TGIF2: variants seen among roughly 807,000 people sequenced by gnomAD.
TGIF2 encodes the protein TGFB induced factor homeobox 2, also known as homeobox protein TGIF2.
In TGIF2, 5 loss-of-function variants were observed where a neutral mutation model predicts 15.1. The ratio of observed to expected loss-of-function variants is 0.33; its 90% CI spans 0.17 to 0.70. TGIF2 has a LOEUF of 0.70. TGIF2 is among the 30% of genes least tolerant of loss of function. TGIF2 has a pLI of 0.67. For synonymous variants in TGIF2, 131 were observed against 128.9 expected, an observed-to-expected ratio of 1.02 and a Z score of -0.11; for missense variants, 264 against 302.5, an observed-to-expected ratio of 0.87 and a Z score of 0.94.
intron 2 of TGIF2, among the ~76,000 whole-genome samples, chr20:36,587,589 T>C (rs1360107066): frequency 6.6e-6 from 1 of 152,128 alleles, no homozygotes; most frequent in Admixed American, 6.6e-5. Context: ...GAAGACTCCC[T>C]CTCACTCTTC....
chr20:36,587,911 C>G (rs2038691604), intron 2 of TGIF2, among the ~76,000 whole-genome samples: 1 of 149,720 alleles, frequency 6.7e-6, no homozygotes, highest in African/African-American at 2.4e-5. Flanking sequence ...CAAAAAATAC[C>G]AAAAAAAAAG....
chr20:36,578,872 T>A lies in TGIF2; in HGVS notation c.98T>A (p.Leu33His), dbSNP rs764377718. Residue 33 changes from leucine to histidine, a missense_variant, in exon 2 of 3, where the codon CTC becomes CAC. Transcript: ENST00000373872. Reference sequence around the variant, plus strand: ...CTGCCCAAGGAGTCGGTGAAGATCCTCCGGGACTGGCTGTACTTGCACCGC... The same window carrying A: ...CTGCCCAAGGAGTCGGTGAAGATCCACCGGGACTGGCTGTACTTGCACCGC... ...GNLPKESVKI[L>H]RDWLYLHRYN... The A allele has an allele frequency of 6.2e-7, 1 of 1,614,138 alleles. No individual in the cohort carries two copies. The highest frequency in any genetic ancestry group is 8.5e-7 in the Non-Finnish European group (1 of 1,180,018).
rs1264123638 is a variant in TGIF2 at position 36,593,325 on chromosome 20, C to G, written c.*1894C>G. ...GACAGTAACATGTGTTCTGTACTTT[C>G]TGGGAAGATCCCTGAAGCCATCACA... On this transcript the variant is annotated 3_prime_UTR_variant, in exon 3 of 3. Coordinates refer to ENST00000373872, the MANE Select transcript of TGIF2 (RefSeq NM_021809.7). 6.6e-6 allele frequency: 1 copy of G among 152,188 alleles called. No homozygotes were observed. Among genetic ancestry groups the G allele is most frequent in the African/African-American group, 2.4e-5 (1 of 41,408 alleles). The allele number at this position is 152,188 out of a possible 1,614,324, so 9.4% of individuals were successfully genotyped here. A position where few individuals can be genotyped will look rare whatever the true frequency, so the allele number is the denominator to read the frequency against.
At chr20:36,578,524 G>A (rs1214882836) in intron 1 of TGIF2, among the ~76,000 whole-genome samples, 1 of 152,168 alleles carries the variant, frequency 6.6e-6, no homozygotes, top group Non-Finnish European at 1.5e-5. Flanking sequence ...GCTTGTGAAT[G>A]AGCTGCCATT....
chr20:36,591,026 G>A lies in TGIF2; in HGVS notation c.309G>A (p.Val103=). The change falls in exon 3 of 3, where the codon GTG becomes GTA. Residue 103 remains valine, a synonymous_variant. Transcript: ENST00000373872. This position sits in a 1 kb window ranked among gnomAD's most constrained non-coding sequence, Gnocchi z 5.3. ...ISRRGGKASD[V]ALPRGSSPSV... ...GCCGCGGGGGTAAGGCCTCAGATGT[G>A]GCCCTCCCCCGTGGCAGCAGCCCCT... 1 of 1,600,406 alleles carries A rather than the reference G, an allele frequency of 6.2e-7. No homozygotes were observed. The highest frequency in any genetic ancestry group is 8.5e-7 in the Non-Finnish European group (1 of 1,169,712).
At chr20:36,584,616 AGT>A (rs905016174) in intron 2 of TGIF2, among the ~76,000 whole-genome samples, 4 of 150,878 alleles carry the variant, frequency 2.7e-5, no homozygotes, top group African/African-American at 9.8e-5. Flanking sequence ...GCGCAATCTC[AGT>A]TCACTGCAAC....
At chr20:36,590,346 C>G (rs1023796461) in intron 2 of TGIF2, among the ~76,000 whole-genome samples, 1 of 152,026 alleles carries the variant, frequency 6.6e-6, no homozygotes, top group Admixed American at 6.6e-5. Flanking sequence ...CTCCTCCTCC[C>G]AGGTTCAAGC....
chr20:36,588,919 C>T (rs531002413), intron 2 of TGIF2, among the ~76,000 whole-genome samples: 2 of 152,320 alleles, frequency 1.3e-5, no homozygotes, highest in South Asian at 4.1e-4. Context: ...TCAGCCCTGT[C>T]CACCTCTGAG....
chr20:36,579,320 C>T (rs537838910), intron 2 of TGIF2, among the ~76,000 whole-genome samples: 9 of 152,092 alleles, frequency 5.9e-5, no homozygotes, highest in Admixed American at 3.3e-4. Flanking sequence ...TACAGGCGCC[C>T]GCCACCACGC....
chr20:36,575,327 C>T (rs2038405321), intron 1 of TGIF2, among the ~76,000 whole-genome samples: 1 of 151,948 alleles, frequency 6.6e-6, no homozygotes, highest in East Asian at 1.9e-4. Flanking sequence ...CCCTGTGTGG[C>T]GGAACACCGA....
At chr20:36,590,639 A>G (rs1403141984) in intron 2 of TGIF2, among the ~76,000 whole-genome samples, 2 of 152,080 alleles carry the variant, frequency 1.3e-5, no homozygotes, top group Non-Finnish European at 2.9e-5. Flanking sequence ...ATCATAGCTC[A>G]TTGCAGGCTC....
chr20:36,573,607 G>A lies in TGIF2; in HGVS notation c.-173G>A, dbSNP rs1231901595. ...AGGGGATCTGACGTCAGGCCGCGAGGTGCTTTCCAGCCGCGAGCTGTCAGG... is the reference window on the plus strand; with the variant it reads ...AGGGGATCTGACGTCAGGCCGCGAGATGCTTTCCAGCCGCGAGCTGTCAGG... On this transcript the variant is annotated 5_prime_UTR_variant, in exon 1 of 3. The change creates a new upstream start codon in the 5' untranslated region. Coordinates refer to ENST00000373872, the MANE Select transcript of TGIF2 (RefSeq NM_021809.7). 1 of 150,736 alleles carries A rather than the reference G, an allele frequency of 6.6e-6. No individual in the cohort carries two copies. The highest frequency in any genetic ancestry group is 1.5e-5 in the Non-Finnish European group (1 of 67,546). The allele number at this position is 150,736 out of a possible 1,614,324, so 9.3% of individuals were successfully genotyped here.
chr20:36,585,990 TC>T (rs2038649996), intron 2 of TGIF2, among the ~76,000 whole-genome samples: 1 of 152,112 alleles, frequency 6.6e-6, no homozygotes. Context: ...GGGGCAGCAG[TC>T]CCCCTGGCGA....
intron 1 of TGIF2, 136 bp from the exon 2 acceptor site, chr20:36,578,605 G>A: frequency 1.0e-6 from 1 of 998,734 alleles, no homozygotes; most frequent in Admixed American, 3.0e-5. Context: ...CTCGGTCTGT[G>A]TTACGGCCTG....
chr20:36,591,684 GCTGCTGCTT>G lies in TGIF2; in HGVS notation c.*265_*273del, dbSNP rs1017953418. 4.8e-5 allele frequency: 19 copies of G among 394,562 alleles called. No individual in the cohort carries two copies. Among genetic ancestry groups the G allele is most frequent in the South Asian group, 2.8e-4 (5 of 18,066 alleles). 24.4% of individuals were successfully genotyped at this position (394,562 alleles called of 1,614,324 possible). On this transcript the variant is annotated 3_prime_UTR_variant, in exon 3 of 3. Transcript: ENST00000373872. The surrounding 1 kb of genome is among the most constrained non-coding windows in gnomAD (Gnocchi z 5.3). ...CCAAGAGATCGGAGACAAGCATGGT[GCTGCTGCTT>G]CTGCTGCTTCTCCAGAAAATCCCTG... is the stretch of plus-strand genomic sequence containing the variant.
intron 2 of TGIF2, among the ~76,000 whole-genome samples, chr20:36,580,924 A>C (rs2038533413): frequency 6.6e-6 from 1 of 151,950 alleles, no homozygotes; most frequent in Admixed American, 6.6e-5. Context: ...CGGGAGTTCA[A>C]GACCAGCCTG....
In TGIF2 at chr20:36,593,899, AC is replaced by A. The variant is rs201975059; in HGVS notation, c.*2469del. The A allele has an allele frequency of 0.012, 1,767 of 152,536 alleles. 15 individuals carry two copies. The highest frequency in any genetic ancestry group is 0.018 in the Non-Finnish European group (1,240 of 67,994). 9.4% of individuals were successfully genotyped at this position (152,536 alleles called of 1,614,324 possible). Reference sequence around the variant, plus strand: ...ATTTGAGCAAAAACTACTGTAAATAACTTTTTTGTCTTTTGTCAAATAAAAT... The same window carrying A: ...ATTTGAGCAAAAACTACTGTAAATAATTTTTTGTCTTTTGTCAAATAAAAT... On this transcript the variant is annotated 3_prime_UTR_variant, in exon 3 of 3. Transcript: ENST00000373872.
rs1268554607 is a variant in TGIF2 at position 36,576,187 on chromosome 20, T to C, written c.-35+2442T>C. ...GACTGAGCAGCTGAGTTGGGTTATC[T>C]AGGGAAAATCCTTCCTTCATTTGAC... On this transcript the variant is annotated intron_variant, in intron 1 of 2. Transcript: ENST00000373872. 2.0e-5 allele frequency among the ~76,000 whole-genome samples: 3 copies of C among 152,166 alleles called. No individual in the cohort carries two copies. The East Asian group carries it at 5.8e-4, about 29-fold the overall frequency.
chr20:36,587,022 GT>G (rs1479791048), intron 2 of TGIF2, among the ~76,000 whole-genome samples: 1 of 152,148 alleles, frequency 6.6e-6, no homozygotes, highest in Non-Finnish European at 1.5e-5. Flanking sequence ...CCCAGCCTGT[GT>G]TTTGCCATAT....
Sources: allele counts gnomAD v4.1 joint callset (sites outside exome capture counted in the v4.1 genomes callset), GRCh38; gene constraint gnomAD v4.1.1; non-coding constraint Gnocchi (gnomAD v3.1); transcripts MANE v1.5; gene names NCBI Gene and HGNC (gene_info 2026-07-23, HGNC 2026-07-21).